PPP1R26: variants seen among roughly 807,000 people sequenced by gnomAD.
PPP1R26 encodes protein phosphatase 1 regulatory subunit 26, also known as 1A6/DRIM (down-regulated in metastasis) interacting protein.
In PPP1R26, 22 loss-of-function variants were observed where a neutral mutation model predicts 67.6. The observed-to-expected ratio is 0.33, with a 90% CI of 0.23 to 0.46. The LOEUF (loss-of-function observed/expected upper bound fraction) is 0.46. PPP1R26 is among the 20% of genes least tolerant of loss of function. The pLI, the probability that PPP1R26 is intolerant of heterozygous loss-of-function variation, is 1.00. For synonymous variants in PPP1R26, 729 were observed against 717.2 expected (o/e 1.02, Z -0.26); for missense variants, 1,602 against 1,651.4 (o/e 0.97, Z 0.52).
chr9:135,480,348 G>A (rs374025505), intron 1 of PPP1R26: 1 of 152,024 alleles, frequency 6.6e-6, no homozygotes. Context: ...GCCGCGGCCC[G>A]GCCGGCCTGG....
At position 135,485,022 on chromosome 9, in the gene PPP1R26, G is replaced by C; in HGVS notation, c.512G>C (p.Arg171Thr). The C allele has an allele frequency of 1.9e-6, 3 of 1,591,984 alleles. No individual in the cohort carries two copies. The highest frequency in any genetic ancestry group is 8.5e-7 in the Non-Finnish European group (1 of 1,170,100). Residue 171 changes from arginine (R) to threonine (T), a missense_variant, in exon 4 of 4, where the codon AGA becomes ACA. By Grantham distance (71) the Arg-to-Thr change is moderately conservative. This residue lies in a region of PPP1R26 where 680 missense variants were observed against 726.1 expected (regional missense o/e 0.94). Coordinates refer to ENST00000356818, the MANE Select transcript of PPP1R26 (RefSeq NM_014811.5). This position sits in a 1 kb window ranked among gnomAD's most constrained non-coding sequence, Gnocchi z 7.2. ...TCCAGGGCCGCAGGCGGAGGCAGTA[G>C]ATGTAAGCCGGAACCGGCTCACGGC... ...QPSRAAGGGS[R>T]CKPEPAHGSA...
chr9:135,483,850 T>C (rs1016922676), intron 2 of PPP1R26, 100 bp from the exon 3 acceptor site: 3 of 394,722 alleles, frequency 7.6e-6, no homozygotes, highest in African/African-American at 6.2e-5. Context: ...CAAATTTACA[T>C]TTGACATTTA....
In PPP1R26 at chr9:135,488,274, A is replaced by C. The variant is rs1830845302; in HGVS notation, c.*134A>C. 4 of 1,240,330 alleles carry C rather than the reference A, an allele frequency of 3.2e-6. No individual in the cohort carries two copies. Among genetic ancestry groups the C allele is most frequent in the Admixed American group, 7.9e-5 (2 of 25,426 alleles). The allele number at this position is 1,240,330 out of a possible 1,614,324, so 76.8% of individuals were successfully genotyped here. A position where few individuals can be genotyped will look rare whatever the true frequency, so the allele number is the denominator to read the frequency against. On this transcript the variant is annotated 3_prime_UTR_variant, in exon 4 of 4. Coordinates refer to ENST00000356818, the MANE Select transcript of PPP1R26 (RefSeq NM_014811.5). ...TATACATAGCCCTGTATATATGTAC[A>C]CCAACATGAAACTTTTATTTAACAG...
intron 2 of PPP1R26, 82 bp from the exon 3 acceptor site, chr9:135,483,868 G>A (rs994324818): frequency 2.2e-4 from 87 of 397,388 alleles, no homozygotes; most frequent in African/African-American, 1.7e-3. Context: ...TTAACATAGA[G>A]AGGGTTTAGT....
chr9:135,482,987 CTTTTTT>C (rs57608324), intron 2 of PPP1R26, among the ~76,000 whole-genome samples, 172 bp downstream of exon 2: 1 of 112,060 alleles, frequency 8.9e-6, no homozygotes, highest in Non-Finnish European at 1.7e-5. Flanking sequence ...TTCTTTCTTT[CTTTTTT>C]TTTTTTTTTT....
chr9:135,482,610 CAA>C (rs796375979), intron 1 of PPP1R26, 71 bp from the exon 2 acceptor site: 34 of 312,670 alleles, frequency 1.1e-4, no homozygotes, highest in African/African-American at 5.7e-4. Context: ...TATTTCTTTC[CAA>C]AAAAAAAAAA....
chr9:135,483,562 C>T (rs1830597838), intron 2 of PPP1R26: 1 of 156,640 alleles, frequency 6.4e-6, no homozygotes, highest in East Asian at 1.9e-4. Flanking sequence ...AGGTGGGTAT[C>T]AGAGCAATGT....
chr9:135,481,078 G>A (rs754365998), intron 1 of PPP1R26, among the ~76,000 whole-genome samples: 1 of 152,130 alleles, frequency 6.6e-6, no homozygotes, highest in Non-Finnish European at 1.5e-5. Context: ...GTTCTCCACC[G>A]CTTCCTAAAA....
At position 135,485,597 on chromosome 9, in the gene PPP1R26, A is replaced by G; in HGVS notation, c.1087A>G (p.Ser363Gly). 15 of 1,613,184 alleles carry G rather than the reference A, an allele frequency of 9.3e-6. No individual in the cohort carries two copies. Among genetic ancestry groups the G allele is most frequent in the Non-Finnish European group, 1.3e-5 (15 of 1,180,024 alleles). The change falls in exon 4 of 4, where the codon AGC becomes GGC. Residue 363 changes from serine (S) to glycine (G), a missense_variant. Physicochemically the swap from Ser to Gly is moderately conservative, Grantham distance 56. Around this residue, in one of 5 missense-constraint regions of PPP1R26, gnomAD observed 680 missense variants for 726.1 expected, o/e 0.94. Coordinates refer to ENST00000356818, the MANE Select transcript of PPP1R26 (RefSeq NM_014811.5). The surrounding 1 kb of genome is among the most constrained non-coding windows in gnomAD (Gnocchi z 7.2). Reference sequence around the variant, plus strand: ...ACAGGCGTCCGAGGCGTCCGACTCCAGCAGCGACGATGGCATTGAGGAGGC... The same window carrying G: ...ACAGGCGTCCGAGGCGTCCGACTCCGGCAGCGACGATGGCATTGAGGAGGC... The part of the protein sequence containing the change: ...AAQASEASDS[S>G]SDDGIEEAIQ...
Position 135,485,995 on chromosome 9 carries a change from G to C in PPP1R26, c.1485G>C (p.Leu495=), listed in dbSNP as rs1830712336. The C allele has an allele frequency of 1.2e-6, 2 of 1,613,062 alleles. No individual in the cohort carries two copies. The highest frequency in any genetic ancestry group is 8.5e-7 in the Non-Finnish European group (1 of 1,180,044). The change falls in exon 4 of 4, where the codon CTG becomes CTC. Residue 495 remains leucine, a synonymous_variant. Coordinates refer to ENST00000356818, the MANE Select transcript of PPP1R26 (RefSeq NM_014811.5). This position sits in a 1 kb window ranked among gnomAD's most constrained non-coding sequence, Gnocchi z 7.2. ...EAILDISKTI[L]PAPVEGSDGS... The stretch of plus-strand genomic sequence containing the variant: ...TCCTGGACATCTCCAAGACGATCCT[G>C]CCGGCCCCTGTAGAGGGCAGTGACG...
chr9:135,481,165 A>C (rs1032502853), intron 1 of PPP1R26, among the ~76,000 whole-genome samples: 2 of 151,594 alleles, frequency 1.3e-5, no homozygotes, highest in African/African-American at 4.9e-5. Context: ...CTGAGGCAGC[A>C]ATTTGACAAA....
Position 135,486,778 on chromosome 9 carries a change from G to A in PPP1R26, c.2268G>A (p.Lys756=), listed in dbSNP as rs373678657. ...GPPVLKSCLS[K]SKRDSGEGPG... The stretch of plus-strand genomic sequence containing the variant: ...CAGTGCTGAAGAGCTGCCTCTCCAA[G>A]TCCAAGAGAGACAGTGGCGAGGGTC... Residue 756 remains lysine (K), a synonymous_variant, in exon 4 of 4, where the codon AAG becomes AAA. Transcript: ENST00000356818. The surrounding 1 kb of genome is among the most constrained non-coding windows in gnomAD (Gnocchi z 6.2). 5 of 1,588,568 alleles carry A rather than the reference G, an allele frequency of 3.1e-6. No individual in the cohort carries two copies. In the African/African-American group the frequency reaches 5.4e-5, roughly 17 times the overall value.
In PPP1R26 at chr9:135,485,639, C is replaced by T; in HGVS notation, c.1129C>T (p.Leu377=). 1 of 1,612,956 alleles carries T rather than the reference C, an allele frequency of 6.2e-7. No individual in the cohort carries two copies. Among genetic ancestry groups the T allele is most frequent in the African/African-American group, 1.3e-5 (1 of 75,066 alleles). ...GIEEAIQLYQ[L]QKTRKEADGD... Reference sequence around the variant, plus strand: ...TGAGGAGGCCATCCAGCTGTACCAGCTGCAGAAAACACGCAAGGAGGCCGA... The same window carrying T: ...TGAGGAGGCCATCCAGCTGTACCAGTTGCAGAAAACACGCAAGGAGGCCGA... The change falls in exon 4 of 4, where the codon CTG becomes TTG. Residue 377 remains leucine (L), a synonymous_variant. Coordinates refer to ENST00000356818, the MANE Select transcript of PPP1R26 (RefSeq NM_014811.5). This position sits in a 1 kb window ranked among gnomAD's most constrained non-coding sequence, Gnocchi z 7.2.
At chr9:135,481,022 G>T (rs1743823487) in intron 1 of PPP1R26, among the ~76,000 whole-genome samples, 1 of 152,100 alleles carries the variant, frequency 6.6e-6, no homozygotes. Context: ...TGGGTGCTTT[G>T]GTTCTCTCCA....
rs765386472 is a variant in PPP1R26, at chr9:135,486,756, T to A, written c.2246T>A (p.Val749Glu). 7.0e-6 allele frequency: 11 copies of A among 1,577,826 alleles called. No individual in the cohort carries two copies. The highest frequency in any genetic ancestry group is 1.3e-5 in the African/African-American group (1 of 74,216). Residue 749 changes from valine (V) to glutamate (E), a missense_variant, in exon 4 of 4, where the codon GTG (valine) becomes GAG (glutamate). By Grantham distance (121) the Val-to-Glu change is moderately radical. Around this residue, in one of 5 missense-constraint regions of PPP1R26, gnomAD observed 740 missense variants for 696.3 expected, o/e 1.06. Coordinates refer to ENST00000356818, the MANE Select transcript of PPP1R26 (RefSeq NM_014811.5). This position sits in a 1 kb window ranked among gnomAD's most constrained non-coding sequence, Gnocchi z 6.2. ...RRDWKDRGPP[V>E]LKSCLSKSKR... ...GACTGGAAAGACAGGGGCCCGCCAG[T>A]GCTGAAGAGCTGCCTCTCCAAGTCC...
chr9:135,486,764 A>G lies in PPP1R26; in HGVS notation c.2254A>G (p.Ser752Gly). Residue 752 changes from serine (S) to glycine (G), a missense_variant, in exon 4 of 4, where the codon AGC becomes GGC. Coordinates refer to ENST00000356818, the MANE Select transcript of PPP1R26 (RefSeq NM_014811.5). The surrounding 1 kb of genome is among the most constrained non-coding windows in gnomAD (Gnocchi z 6.2). ...WKDRGPPVLK[S>G]CLSKSKRDSG... Reference sequence around the variant, plus strand: ...AGACAGGGGCCCGCCAGTGCTGAAGAGCTGCCTCTCCAAGTCCAAGAGAGA... The same window carrying G: ...AGACAGGGGCCCGCCAGTGCTGAAGGGCTGCCTCTCCAAGTCCAAGAGAGA... 1.3e-6 allele frequency: 2 copies of G among 1,581,416 alleles called. No individual in the cohort carries two copies. The highest frequency in any genetic ancestry group is 2.3e-5 in the East Asian group (1 of 43,302).
Position 135,480,019 on chromosome 9 carries a change from G to C in PPP1R26, c.-332G>C, listed in dbSNP as rs1311379355. ...GCGCGGCGGGCGGCGGGGGACGGGC[G>C]GAGGTGAGCGGGTGCAGGGCCGGGG... On this transcript the variant is annotated 5_prime_UTR_variant, in exon 1 of 4. Coordinates refer to ENST00000356818, the MANE Select transcript of PPP1R26 (RefSeq NM_014811.5). 1.4e-5 allele frequency: 2 copies of C among 146,346 alleles called. No individual in the cohort carries two copies. The highest frequency in any genetic ancestry group is 4.9e-5 in the African/African-American group (2 of 40,726). 9.1% of individuals were successfully genotyped at this position (146,346 alleles called of 1,614,324 possible).
rs774387095 is a variant in PPP1R26, at chr9:135,487,452, C to G, written c.2942C>G (p.Pro981Arg). ...PAAKSAFGQL[P>R]SCATAGTEAG... ...GCCAAAAGTGCTTTTGGTCAGCTGC[C>G]CAGCTGTGCCACAGCGGGCACCGAG... Residue 981 changes from proline (P) to arginine (R), a missense_variant, in exon 4 of 4, where the codon CCC becomes CGC. This residue lies in a region of PPP1R26 where 740 missense variants were observed against 696.3 expected (regional missense o/e 1.06). Coordinates refer to ENST00000356818, the MANE Select transcript of PPP1R26 (RefSeq NM_014811.5). The G allele has an allele frequency of 1.9e-6, 3 of 1,610,208 alleles. No individual in the cohort carries two copies. The highest frequency in any genetic ancestry group is 2.5e-6 in the Non-Finnish European group (3 of 1,179,624).
At chr9:135,482,987 C>CTTTTT (rs57608324) in intron 2 of PPP1R26, among the ~76,000 whole-genome samples, 172 bp downstream of exon 2, 91 of 112,012 alleles carry the variant, frequency 8.1e-4, no homozygotes, top group Middle Eastern at 5.6e-3. Flanking sequence ...TTCTTTCTTT[C>CTTTTT]TTTTTTTTTT....
Sources: allele counts gnomAD v4.1 joint callset (sites outside exome capture counted in the v4.1 genomes callset), GRCh38; gene constraint gnomAD v4.1.1; regional missense constraint gnomAD v4.1.1; non-coding constraint Gnocchi (gnomAD v3.1); transcripts MANE v1.5; gene names NCBI Gene and HGNC (gene_info 2026-07-23, HGNC 2026-07-21).